The following LIMS1 variants were observed in gnomAD, a reference collection of about 807,000 sequenced individuals.
LIMS1 encodes the protein LIM zinc finger domain containing 1.
In LIMS1, 18 loss-of-function variants were observed where a neutral mutation model predicts 44.1. The observed-to-expected ratio is 0.41, with a 90% CI of 0.28 to 0.61. The LOEUF (loss-of-function observed/expected upper bound fraction) is 0.61. Among genes scored for constraint, LIMS1 ranks in the 20% least tolerant of loss-of-function variants. The probability of loss-of-function intolerance (pLI) is 0.32; values close to 1 mark genes in which losing one functional copy is unlikely to be tolerated. For missense variants in LIMS1, 201 were observed against 422.0 expected, an observed-to-expected ratio of 0.48 and a Z score of 4.59; for synonymous variants, 93 against 149.1, an observed-to-expected ratio of 0.62 and a Z score of 2.74.
rs563345453 is a variant in LIMS1, at chr2:108,611,297, C to T, written c.33-48308C>T. ...TGGTAAGTGTATGCAAAGTGCTTATCACAGTTCTGGGCGCATAAGAAGCAC... is the reference window on the plus strand; with the variant it reads ...TGGTAAGTGTATGCAAAGTGCTTATTACAGTTCTGGGCGCATAAGAAGCAC... On this transcript the variant is annotated intron_variant, in intron 1 of 9. Transcript: ENST00000544547. Among the ~76,000 whole-genome samples the T allele has an allele frequency of 2.6e-5, 4 of 152,284 alleles. No homozygotes were observed. In the South Asian group the frequency reaches 8.3e-4, roughly 32 times the overall value.
At chr2:108,598,565 A>G (rs1478109075) in intron 1 of LIMS1, among the ~76,000 whole-genome samples, 2 of 152,136 alleles carry the variant, frequency 1.3e-5, no homozygotes, top group Non-Finnish European at 2.9e-5. Context: ...GATACTAGCC[A>G]TCTGGGGGGT....
intron 1 of LIMS1, among the ~76,000 whole-genome samples, chr2:108,538,937 T>C (rs1234792834): frequency 3.9e-5 from 6 of 152,240 alleles, no homozygotes. Flanking sequence ...GTTTACCTTA[T>C]GTTTTTTAAC....
chr2:108,544,993 A>G (rs1430712572), intron 1 of LIMS1, among the ~76,000 whole-genome samples: 1 of 152,218 alleles, frequency 6.6e-6, no homozygotes, highest in Non-Finnish European at 1.5e-5. Flanking sequence ...CATCAACTAC[A>G]CAGTGTTTAA....
chr2:108,586,817 C>T (rs761890124), intron 1 of LIMS1, among the ~76,000 whole-genome samples: 11 of 152,150 alleles, frequency 7.2e-5, no homozygotes, highest in Non-Finnish European at 1.2e-4. Context: ...AGCTGCTTCC[C>T]GGGGTTTATG....
intron 1 of LIMS1, among the ~76,000 whole-genome samples, chr2:108,629,696 T>A (rs1688786030): frequency 6.6e-6 from 1 of 152,218 alleles, no homozygotes; most frequent in South Asian, 2.1e-4. Flanking sequence ...GCTTGGTCCA[T>A]TCAGAAGCTT....
At chr2:108,661,236 AC>A (rs1176924684) in intron 2 of LIMS1, among the ~76,000 whole-genome samples, 1 of 148,856 alleles carries the variant, frequency 6.7e-6, no homozygotes, top group African/African-American at 2.5e-5. Context: ...TCACTAGCAC[AC>A]ATTTTTTTAA....
chr2:108,535,949 C>G (rs1173830466), intron 1 of LIMS1, among the ~76,000 whole-genome samples: 1 of 151,792 alleles, frequency 6.6e-6, no homozygotes, highest in Non-Finnish European at 1.5e-5. Flanking sequence ...TCACAAGTAA[C>G]AAAAAAGAGT....
In LIMS1 at chr2:108,666,915, C is replaced by T. The variant is rs369605988; in HGVS notation, c.193-3866C>T. 2.1e-3 allele frequency among the ~76,000 whole-genome samples: 314 copies of T among 152,260 alleles called. 2 individuals are homozygous for T. Among genetic ancestry groups the T allele is most frequent in the Middle Eastern group, 6.8e-3 (2 of 294 alleles). ...AGAGCTTCCACACCTTCTCTGGCTG[C>T]ACCACCCTCTGGGAAACTACACTGT... On this transcript the variant is annotated intron_variant, in intron 2 of 9. Coordinates refer to ENST00000544547, the Ensembl canonical transcript of LIMS1.
At chr2:108,587,619 T>C (rs564829023) in intron 1 of LIMS1, among the ~76,000 whole-genome samples, 13 of 152,308 alleles carry the variant, frequency 8.5e-5, no homozygotes, top group African/African-American at 2.6e-4. Context: ...GCTTTCTTGC[T>C]GTATTTTCAG....
intron 1 of LIMS1, among the ~76,000 whole-genome samples, chr2:108,567,607 T>G (rs1573341290): frequency 6.6e-6 from 1 of 152,338 alleles, no homozygotes; most frequent in Non-Finnish European, 1.5e-5. Flanking sequence ...AGTCTCGCTC[T>G]GTCATCCAGG....
intron 1 of LIMS1, among the ~76,000 whole-genome samples, chr2:108,576,394 TG>T (rs1312652916): frequency 6.6e-6 from 1 of 152,020 alleles, no homozygotes; most frequent in Non-Finnish European, 1.5e-5. Context: ...TGCACCTCAT[TG>T]GCTAACAAGT....
At position 108,677,968 on chromosome 2, in the gene LIMS1, T is replaced by A. The variant is rs778894908; in HGVS notation, c.775-11T>A. ...ACATCTTGAACTTTGACCACCTTTT[T>A]TTATTTTCAGCTATTTGGTGATGTT... On this transcript the variant is annotated splice_polypyrimidine_tract_variant and intron_variant, in intron 7 of 9. Transcript: ENST00000544547. The A allele has an allele frequency of 1.3e-6, 2 of 1,595,292 alleles. No individual in the cohort carries two copies. Among genetic ancestry groups the A allele is most frequent in the South Asian group, 2.3e-5 (2 of 88,160 alleles).
chr2:108,679,457 G>A (rs190252781), intron 8 of LIMS1, among the ~76,000 whole-genome samples: 1 of 151,952 alleles, frequency 6.6e-6, no homozygotes, highest in African/African-American at 2.4e-5. Context: ...TCCAGCCTGG[G>A]CAACAAGAGC....
chr2:108,607,721 G>T (rs533141104), intron 1 of LIMS1, among the ~76,000 whole-genome samples: 1 of 152,124 alleles, frequency 6.6e-6, no homozygotes, highest in Non-Finnish European at 1.5e-5. Context: ...CTTTGAGTGG[G>T]CTCCTAGCAT....
intron 7 of LIMS1, chr2:108,677,067 A>G (rs550358646): frequency 6.9e-5 from 13 of 189,658 alleles, no homozygotes; most frequent in African/African-American, 2.3e-4. Context: ...CTCTAACATA[A>G]TTGTAGTTAT....
At chr2:108,639,925 C>A (rs892868198) in intron 1 of LIMS1, among the ~76,000 whole-genome samples, 1 of 151,910 alleles carries the variant, frequency 6.6e-6, no homozygotes, top group Non-Finnish European at 1.5e-5. Context: ...CAGTACAGTT[C>A]AGTGATCCCA....
intron 3 of LIMS1, among the ~76,000 whole-genome samples, chr2:108,671,333 A>G (rs1692148142): frequency 6.6e-6 from 1 of 152,024 alleles, no homozygotes; most frequent in African/African-American, 2.4e-5. Context: ...ATCAAAACCT[A>G]GAGATCATTG....
At chr2:108,626,137 CTG>C (rs1688562727) in intron 1 of LIMS1, among the ~76,000 whole-genome samples, 1 of 152,210 alleles carries the variant, frequency 6.6e-6, no homozygotes, top group African/African-American at 2.4e-5. Flanking sequence ...TCAGCCTAGG[CTG>C]TGTGTTTCTT....
At position 108,580,245 on chromosome 2, in the gene LIMS1, CCT is replaced by C. The variant is rs1372281842; in HGVS notation, c.32+45654_32+45655del. 2.6e-5 allele frequency among the ~76,000 whole-genome samples: 4 copies of C among 152,260 alleles called. No homozygotes were observed. The East Asian group carries it at 7.7e-4, about 29-fold the overall frequency. On this transcript the variant is annotated intron_variant, in intron 1 of 9. Coordinates refer to ENST00000544547, the Ensembl canonical transcript of LIMS1. Reference sequence around the variant, plus strand: ...ATAGAGCAGTGCTCTGAGTTGACTTCCTCTAACTGCAGGGTGTTAGTCTCTAC... The same window carrying C: ...ATAGAGCAGTGCTCTGAGTTGACTTCCTAACTGCAGGGTGTTAGTCTCTAC...
Sources: gnomAD v4.1 joint callset for allele counts (sites outside exome capture counted in the v4.1 genomes callset) on GRCh38, gnomAD v4.1.1 for gene constraint, MANE v1.5 for transcripts, NCBI Gene and HGNC (gene_info 2026-07-23, HGNC 2026-07-21) for gene names.